The following ABLIM2 variants were observed in gnomAD, a reference collection of about 807,000 sequenced individuals.
ABLIM2 encodes the protein actin binding LIM protein family member 2.
A neutral mutation model predicts 97.7 loss-of-function variants in ABLIM2; 53 were observed. The ratio of observed to expected loss-of-function variants is 0.54; its 90% CI spans 0.44 to 0.68. The LOEUF (loss-of-function observed/expected upper bound fraction) is 0.68. Ranked by LOEUF, ABLIM2 falls within the 30% of genes least tolerant of loss-of-function variation. The pLI is 0.00. For synonymous variants in ABLIM2, 361 were observed against 345.8 expected (o/e 1.04, Z -0.49); for missense variants, 835 against 867.2 (o/e 0.96, Z 0.47).
At position 7,996,071 on chromosome 4, in the gene ABLIM2, C is replaced by T. The variant is rs567081387; in HGVS notation, c.1619-3144G>A. On this transcript the variant is annotated intron_variant, in intron 16 of 20. Transcript: ENST00000447017. The surrounding 1 kb of genome is among the most constrained non-coding windows in gnomAD (Gnocchi z 4.5). ...CAGAGCCAGGCATGCTCTGGGAGCC[C>T]GAGGGCCCCTCCAGCTGCAGCGGGA... Among the ~76,000 whole-genome samples the T allele has an allele frequency of 9.2e-5, 14 of 152,240 alleles. No individual in the cohort carries two copies. The highest frequency in any genetic ancestry group is 5.9e-4 in the Admixed American group (9 of 15,298).
Position 7,998,123 on chromosome 4 carries a change from T to C in ABLIM2, c.1619-5196A>G, listed in dbSNP as rs1382858637. ...CTTCAACTCCTGATCTCAGGTGATCTGATCCGTCCTCCTCGGCCTCCCAAA... is the reference window on the plus strand; with the variant it reads ...CTTCAACTCCTGATCTCAGGTGATCCGATCCGTCCTCCTCGGCCTCCCAAA... On this transcript the variant is annotated intron_variant, in intron 16 of 20. Coordinates refer to ENST00000447017, the MANE Select transcript of ABLIM2 (RefSeq NM_001130083.2). This position sits in a 1 kb window ranked among gnomAD's most constrained non-coding sequence, Gnocchi z 6.4. Among the ~76,000 whole-genome samples, 1 of 152,116 alleles carries C rather than the reference T, an allele frequency of 6.6e-6. No individual in the cohort carries two copies. The highest frequency in any genetic ancestry group is 1.5e-5 in the Non-Finnish European group (1 of 68,034).
At chr4:8,158,360 C>G (rs1561656797) in intron 1 of ABLIM2, among the ~76,000 whole-genome samples, 1 of 152,206 alleles carries the variant, frequency 6.6e-6, no homozygotes, top group Admixed American at 6.5e-5. Flanking sequence ...CGGACCCTGA[C>G]CGCTTTCTGC....
At chr4:8,029,377 T>C (rs1192726080) in intron 11 of ABLIM2, among the ~76,000 whole-genome samples, 1 of 152,170 alleles carries the variant, frequency 6.6e-6, no homozygotes, top group African/African-American at 2.4e-5. Context: ...GCTCAGCGTG[T>C]GCCCCCTAGG....
At position 8,123,709 on chromosome 4, in the gene ABLIM2, C is replaced by T. The variant is rs538953512; in HGVS notation, c.11-17072G>A. ...GCGTCATCCTTGTACTGACAGGGTC[C>T]GGCTCACACACCAAAGCCTGTGGGT... On this transcript the variant is annotated intron_variant, in intron 1 of 20. Transcript: ENST00000447017. This position sits in a 1 kb window ranked among gnomAD's most constrained non-coding sequence, Gnocchi z 6.2. Among the ~76,000 whole-genome samples the T allele has an allele frequency of 9.9e-5, 15 of 152,212 alleles. No individual in the cohort carries two copies. The highest frequency in any genetic ancestry group is 3.4e-3 in the Middle Eastern group (1 of 294).
In ABLIM2 at chr4:8,158,795, G is replaced by C; in HGVS notation, c.-106C>G. ...TCCTCCGCCCGCCCGCCGGCTCCGC[G>C]CCCGCTCCTTGCGCACACGCCAGGC... On this transcript the variant is annotated 5_prime_UTR_variant, in exon 1 of 21. Transcript: ENST00000447017. 1 of 1,070,546 alleles carries C rather than the reference G, an allele frequency of 9.3e-7. No individual in the cohort carries two copies. The highest frequency in any genetic ancestry group is 1.2e-6 in the Non-Finnish European group (1 of 849,062). 66.3% of individuals were successfully genotyped at this position (1,070,546 alleles called of 1,614,324 possible).
intron 16 of ABLIM2, among the ~76,000 whole-genome samples, chr4:7,997,228 T>C (rs1047633133): frequency 2.0e-5 from 3 of 152,162 alleles, no homozygotes; most frequent in Non-Finnish European, 4.4e-5. Flanking sequence ...CACGCCATCA[T>C]GTCCAGCTAA....
chr4:8,056,966 C>A (rs372202556), intron 7 of ABLIM2, among the ~76,000 whole-genome samples: 84 of 128,442 alleles, frequency 6.5e-4, no homozygotes, highest in African/African-American at 2.1e-3. Context: ...AAGTCTTGAA[C>A]ATTTCCCAGT....
chr4:8,146,795 G>T (rs530122246), intron 1 of ABLIM2, among the ~76,000 whole-genome samples: 5 of 152,192 alleles, frequency 3.3e-5, no homozygotes, highest in African/African-American at 2.4e-5. Context: ...CTCCCAAAGC[G>T]CTGGGATTAC....
chr4:8,089,167 G>A (rs1019272361), intron 3 of ABLIM2, among the ~76,000 whole-genome samples: 1 of 152,200 alleles, frequency 6.6e-6, no homozygotes. Context: ...GTGAGGGACC[G>A]CAGAGAGCTG....
intron 3 of ABLIM2, among the ~76,000 whole-genome samples, chr4:8,091,650 TTATATAATTATATATTATATAAAATTA>T (rs1561335394): frequency 4.0e-5 from 2 of 49,628 alleles, no homozygotes; most frequent in South Asian, 1.0e-3. Flanking sequence ...ATTTTATATA[TTATATAATTATATATTATATAAAATTA>T]TATATAATTA....
intron 6 of ABLIM2, among the ~76,000 whole-genome samples, chr4:8,073,292 A>G (rs1210714257): frequency 6.6e-6 from 1 of 151,274 alleles, no homozygotes; most frequent in Non-Finnish European, 1.5e-5. Context: ...AGAGTGAGCC[A>G]CCCAGGCCGT....
At chr4:8,065,546 T>C (rs1806536498) in intron 6 of ABLIM2, among the ~76,000 whole-genome samples, 1 of 152,212 alleles carries the variant, frequency 6.6e-6, no homozygotes, top group Admixed American at 6.5e-5. Flanking sequence ...GTATTGGTTT[T>C]TCAAGAAGTT....
In ABLIM2 at chr4:8,132,023, G is replaced by A. The variant is rs2152932200; in HGVS notation, c.11-25386C>T. On this transcript the variant is annotated intron_variant, in intron 1 of 20. Transcript: ENST00000447017. The surrounding 1 kb of genome is among the most constrained non-coding windows in gnomAD (Gnocchi z 8.0). ...CACAGCAGCCCGCATCCCCTGCACG[G>A]CAGCCTGCATCCCCGAGCACAGCTG... Among the ~76,000 whole-genome samples the A allele has an allele frequency of 6.6e-6, 1 of 152,080 alleles. No individual in the cohort carries two copies. Among genetic ancestry groups the A allele is most frequent in the Admixed American group, 6.6e-5 (1 of 15,254 alleles).
In ABLIM2 at chr4:8,148,753, G is replaced by T. The variant is rs1458068533; in HGVS notation, c.10+9927C>A. Among the ~76,000 whole-genome samples, 1 of 152,150 alleles carries T rather than the reference G, an allele frequency of 6.6e-6. No individual in the cohort carries two copies. The highest frequency in any genetic ancestry group is 1.5e-5 in the Non-Finnish European group (1 of 68,030). On this transcript the variant is annotated intron_variant, in intron 1 of 20. Transcript: ENST00000447017. This position sits in a 1 kb window ranked among gnomAD's most constrained non-coding sequence, Gnocchi z 6.7. ...ACTCAGAGTCGGAAAGATCCTCTAGGACAAGCCCAACCCCAACAGAGATGA... is the reference window on the plus strand; with the variant it reads ...ACTCAGAGTCGGAAAGATCCTCTAGTACAAGCCCAACCCCAACAGAGATGA...
In ABLIM2 at chr4:8,068,369, G is replaced by A. The variant is rs1809459103; in HGVS notation, c.676-7315C>T. ...GGGAAGCACACCCACAGCCTGTGGT[G>A]GCTCAGGGTGACCACAGGTCCTCAG... is the stretch of plus-strand genomic sequence containing the variant. On this transcript the variant is annotated intron_variant, in intron 6 of 20. Coordinates refer to ENST00000447017, the MANE Select transcript of ABLIM2 (RefSeq NM_001130083.2). The surrounding 1 kb of genome is among the most constrained non-coding windows in gnomAD (Gnocchi z 4.5). 6.6e-6 allele frequency among the ~76,000 whole-genome samples: 1 copy of A among 152,206 alleles called. No homozygotes were observed. The highest frequency in any genetic ancestry group is 6.5e-5 in the Admixed American group (1 of 15,276).
rs988931701 is a variant in ABLIM2, at chr4:8,032,779, C to T, written c.1048-3003G>A. On this transcript the variant is annotated intron_variant, in intron 10 of 20. Coordinates refer to ENST00000447017, the MANE Select transcript of ABLIM2 (RefSeq NM_001130083.2). This position sits in a 1 kb window ranked among gnomAD's most constrained non-coding sequence, Gnocchi z 4.3. ...GGCAGGCAACACAGGCGCAAACACC[C>T]ACACAGAGCCCTGATCCTCCAGACA... The T allele has an allele frequency of 5.7e-6, 7 of 1,222,150 alleles. No individual in the cohort carries two copies. The highest frequency in any genetic ancestry group is 5.3e-5 in the Admixed American group (3 of 56,314). 75.7% of individuals were successfully genotyped at this position (1,222,150 alleles called of 1,614,324 possible).
intron 1 of ABLIM2, among the ~76,000 whole-genome samples, chr4:8,156,851 C>T (rs1483377798): frequency 6.6e-6 from 1 of 152,254 alleles, no homozygotes; most frequent in Non-Finnish European, 1.5e-5. Context: ...CTGCTCTCCC[C>T]CACTGTGTGG....
At chr4:8,091,093 C>G (rs1368584993) in intron 3 of ABLIM2, among the ~76,000 whole-genome samples, 1 of 150,316 alleles carries the variant, frequency 6.7e-6, no homozygotes, top group Admixed American at 6.8e-5. Context: ...TTCACAACGG[C>G]ACTGGAGGGA....
At chr4:7,997,330 A>C (rs889494408) in intron 16 of ABLIM2, among the ~76,000 whole-genome samples, 1 of 152,186 alleles carries the variant, frequency 6.6e-6, no homozygotes. Context: ...TCGGCCTCCT[A>C]AAGTGCTGGG....
Sources: allele counts gnomAD v4.1 joint callset (sites outside exome capture counted in the v4.1 genomes callset), GRCh38; gene constraint gnomAD v4.1.1; non-coding constraint Gnocchi (gnomAD v3.1); transcripts MANE v1.5; gene names NCBI Gene and HGNC (gene_info 2026-07-23, HGNC 2026-07-21).